Variants in SLC12A1 observed in about 807,000 individuals in gnomAD.
The protein encoded by SLC12A1 is solute carrier family 12 member 1.
SLC12A1 carries 89 observed loss-of-function variants against 130.4 expected under a neutral mutation model. The observed-to-expected ratio is 0.68, with a 90% confidence interval of 0.58 to 0.81. The LOEUF is 0.81. Ranked by LOEUF, SLC12A1 falls within the 40% of genes least tolerant of loss-of-function variation. SLC12A1 has a pLI of 0.00. For synonymous variants in SLC12A1, 499 were observed against 460.0 expected (o/e 1.08, Z -1.09); for missense variants, 1,310 against 1,336.4 (o/e 0.98, Z 0.31).
At chr15:48,244,045 T>C (rs35923902) in intron 10 of SLC12A1, among the ~76,000 whole-genome samples, 5,680 of 152,282 alleles carry the variant, frequency 0.037, 145 homozygotes, top group East Asian at 0.097. Context: ...TTTTTAAGAA[T>C]CTATCCTAGA....
chr15:48,259,098 C>T (rs374572818), intron 16 of SLC12A1, 102 bp from the exon 17 acceptor site: 71 of 711,226 alleles, frequency 1.0e-4, no homozygotes, highest in South Asian at 4.7e-4. Context: ...GGAGAGGTTG[C>T]CCCATTTTTC....
intron 9 of SLC12A1, among the ~76,000 whole-genome samples, chr15:48,235,538 C>T (rs1427809944): frequency 6.6e-6 from 1 of 151,970 alleles, no homozygotes; most frequent in Non-Finnish European, 1.5e-5. Flanking sequence ...GGGCACAGTG[C>T]CACATGTCTA....
intron 21 of SLC12A1, 71 bp downstream of exon 21, chr15:48,285,320 G>T (rs1246130103): frequency 1.4e-6 from 2 of 1,461,820 alleles, no homozygotes; most frequent in Admixed American, 3.5e-5. Flanking sequence ...TGAAGAGTCC[G>T]AAGTCAGCAT....
At chr15:48,273,243 C>A (rs958245676) in intron 19 of SLC12A1, among the ~76,000 whole-genome samples, 1 of 152,192 alleles carries the variant, frequency 6.6e-6, no homozygotes, top group Non-Finnish European at 1.5e-5. Context: ...CAGAAGCTCC[C>A]CTCATGTGGG....
At chr15:48,270,089 C>G (rs2041876577) in intron 19 of SLC12A1, among the ~76,000 whole-genome samples, 1 of 152,140 alleles carries the variant, frequency 6.6e-6, no homozygotes. Context: ...TTCAAAACAC[C>G]TGGAATCTTG....
intron 19 of SLC12A1, among the ~76,000 whole-genome samples, chr15:48,271,183 G>A (rs1020946348): frequency 2.0e-5 from 3 of 152,034 alleles, no homozygotes; most frequent in African/African-American, 7.2e-5. Context: ...CTGCACTCCA[G>A]CCTGGGCAAC....
At chr15:48,258,749 G>T (rs1368470045) in intron 16 of SLC12A1, among the ~76,000 whole-genome samples, 2 of 152,128 alleles carry the variant, frequency 1.3e-5, no homozygotes, top group Non-Finnish European at 2.9e-5. Context: ...CCAAGACTGG[G>T]TAATTTTTCA....
chr15:48,255,744 A>C (rs1216305114), intron 15 of SLC12A1, 67 bp from the exon 16 acceptor site: 44 of 985,476 alleles, frequency 4.5e-5, no homozygotes, highest in Non-Finnish European at 6.3e-5. Flanking sequence ...AATGACTTGT[A>C]AAATTATTCA....
intron 2 of SLC12A1, among the ~76,000 whole-genome samples, chr15:48,211,826 T>C (rs758253360): frequency 3.3e-5 from 5 of 152,190 alleles, no homozygotes; most frequent in Non-Finnish European, 7.4e-5. Flanking sequence ...GGCTCTACCT[T>C]AAATGAAACT....
At chr15:48,291,299 TTATAA>T (rs1369236432) in intron 23 of SLC12A1, among the ~76,000 whole-genome samples, 3 of 149,816 alleles carry the variant, frequency 2.0e-5, no homozygotes, top group African/African-American at 7.3e-5. Flanking sequence ...GTTTATAATG[TTATAA>T]TATGTTTATA....
chr15:48,235,029 G>C (rs374919848), intron 9 of SLC12A1, 25 bp downstream of exon 9: 1 of 1,612,398 alleles, frequency 6.2e-7, no homozygotes, highest in Non-Finnish European at 8.5e-7. Flanking sequence ...CTGCTTTGCA[G>C]TCCTGGGAGT....
At chr15:48,288,361 C>T in intron 22 of SLC12A1, 44 bp from the exon 23 acceptor site, 1 of 1,145,432 alleles carries the variant, frequency 8.7e-7, no homozygotes, top group Non-Finnish European at 1.3e-6. Context: ...CATTTCCTTC[C>T]ATTTAGATAT....
At chr15:48,290,492 T>C (rs958908636) in intron 23 of SLC12A1, among the ~76,000 whole-genome samples, 2 of 152,258 alleles carry the variant, frequency 1.3e-5, no homozygotes, top group African/African-American at 2.4e-5. Flanking sequence ...TTGTATGTGC[T>C]ATATTTTTAT....
chr15:48,219,694 C>T (rs184489552), intron 2 of SLC12A1, among the ~76,000 whole-genome samples: 97 of 152,186 alleles, frequency 6.4e-4, no homozygotes, highest in Admixed American at 1.0e-3. Flanking sequence ...GTCTATGTGT[C>T]TTTCATTGAA....
chr15:48,274,558 C>A lies in SLC12A1; in HGVS notation c.2403-13C>A. 1 of 1,477,058 alleles carries A rather than the reference C, an allele frequency of 6.8e-7. No homozygotes were observed. Among genetic ancestry groups the A allele is most frequent in the Non-Finnish European group, 9.5e-7 (1 of 1,057,032 alleles). The allele number at this position is 1,477,058 out of a possible 1,614,324, so 91.5% of individuals were successfully genotyped here. A position where few individuals can be genotyped will look rare whatever the true frequency, so the allele number is the denominator to read the frequency against. ...GCCATTTAAAACGCTGACTGCTTTGCTTCCTCTTTCAGTGATGCATTTGAT... is the reference window on the plus strand; with the variant it reads ...GCCATTTAAAACGCTGACTGCTTTGATTCCTCTTTCAGTGATGCATTTGAT... On this transcript the variant is annotated splice_polypyrimidine_tract_variant and intron_variant, in intron 19 of 26. Coordinates refer to ENST00000380993, the MANE Select transcript of SLC12A1 (RefSeq NM_000338.3).
intron 6 of SLC12A1, 117 bp from the exon 7 acceptor site, chr15:48,230,276 T>G: frequency 1.6e-6 from 1 of 623,958 alleles, no homozygotes; most frequent in Non-Finnish European, 2.9e-6. Context: ...CATTTTTCTA[T>G]TATCCTATAT....
chr15:48,258,292 C>G (rs1247194764), intron 16 of SLC12A1, among the ~76,000 whole-genome samples: 1 of 63,206 alleles, frequency 1.6e-5, no homozygotes, highest in Non-Finnish European at 2.3e-5. Flanking sequence ...ACCCGGGAGG[C>G]GGAGCTTGCA....
Position 48,256,715 on chromosome 15 carries a change from A to G in SLC12A1, c.2042+805A>G, listed in dbSNP as rs1005053352. ...AGGAAAAACCCACCCCCATGATTCA[A>G]TTACCTCCCACTGGGTCCCTCCCAC... On this transcript the variant is annotated intron_variant, in intron 16 of 26. Coordinates refer to ENST00000380993, the MANE Select transcript of SLC12A1 (RefSeq NM_000338.3). 3.3e-5 allele frequency among the ~76,000 whole-genome samples: 5 copies of G among 151,948 alleles called. No individual in the cohort carries two copies. The South Asian group carries it at 6.2e-4, about 19-fold the overall frequency.
intron 2 of SLC12A1, among the ~76,000 whole-genome samples, chr15:48,216,462 A>T (rs1464646619): frequency 6.6e-6 from 1 of 152,206 alleles, no homozygotes; most frequent in Non-Finnish European, 1.5e-5. Context: ...CAGCTAGCAG[A>T]GCAATTTCCC....
Sources: gnomAD v4.1 joint callset for allele counts (sites outside exome capture counted in the v4.1 genomes callset) on GRCh38, gnomAD v4.1.1 for gene constraint, MANE v1.5 for transcripts, NCBI Gene and HGNC (gene_info 2026-07-23, HGNC 2026-07-21) for gene names.